The following NMNAT2 variants were observed in gnomAD, a reference collection of about 807,000 sequenced individuals.
NMNAT2 encodes the protein nicotinamide/nicotinic acid mononucleotide adenylyltransferase 2.
In NMNAT2, 11 loss-of-function variants were observed where a neutral mutation model predicts 41.6. That is an observed-to-expected ratio of 0.26 (90% CI 0.17 to 0.44). The LOEUF (loss-of-function observed/expected upper bound fraction) is 0.44. Among genes scored for constraint, NMNAT2 ranks in the 20% least tolerant of loss-of-function variants. The pLI, the probability that NMNAT2 is intolerant of heterozygous loss-of-function variation, is 1.00. For synonymous variants in NMNAT2, 148 were observed against 151.2 expected, an observed-to-expected ratio of 0.98 and a Z score of 0.16; for missense variants, 288 against 407.7, an observed-to-expected ratio of 0.71 and a Z score of 2.53.
At chr1:183,330,638 C>A (rs894242286) in intron 1 of NMNAT2, among the ~76,000 whole-genome samples, 1 of 152,224 alleles carries the variant, frequency 6.6e-6, no homozygotes, top group Non-Finnish European at 1.5e-5. Context: ...GGGCTATGCA[C>A]GCCTCAGAAA....
At chr1:183,416,910 G>A (rs1274250470) in intron 1 of NMNAT2, among the ~76,000 whole-genome samples, 2 of 152,120 alleles carry the variant, frequency 1.3e-5, no homozygotes, top group African/African-American at 4.8e-5. Flanking sequence ...CCCGCATCCA[G>A]CTCCGGCGCG....
intron 1 of NMNAT2, among the ~76,000 whole-genome samples, chr1:183,373,200 G>A (rs1021694596): frequency 1.3e-5 from 2 of 152,244 alleles, no homozygotes; most frequent in Admixed American, 6.5e-5. Context: ...TGCTCTTCAA[G>A]TTGTCATTTC....
intron 10 of NMNAT2, 40 bp downstream of exon 10, chr1:183,260,962 C>T (rs1362196347): frequency 3.4e-6 from 5 of 1,487,198 alleles, no homozygotes; most frequent in Non-Finnish European, 4.7e-6. Context: ...ACTTATAAGA[C>T]AGTTTGACTA....
chr1:183,331,859 C>A (rs546677786), intron 1 of NMNAT2, among the ~76,000 whole-genome samples: 1 of 152,222 alleles, frequency 6.6e-6, no homozygotes, highest in Admixed American at 6.5e-5. Context: ...GCAATCTGGG[C>A]TCACTACAAC....
chr1:183,350,333 C>T lies in NMNAT2; in HGVS notation c.86-56540G>A, dbSNP rs570318194. ...GAGATGGGGAACTGTCCTGGTCAAC[C>T]CCTGTTAATTTGGGAGGAAAATTTG... On this transcript the variant is annotated intron_variant, in intron 1 of 10. Transcript: ENST00000287713. 3.9e-5 allele frequency among the ~76,000 whole-genome samples: 6 copies of T among 152,202 alleles called. No homozygotes were observed. The East Asian group carries it at 9.6e-4, about 24-fold the overall frequency.
chr1:183,323,552 T>C (rs1265180496), intron 1 of NMNAT2, among the ~76,000 whole-genome samples: 1 of 152,154 alleles, frequency 6.6e-6, no homozygotes, highest in Non-Finnish European at 1.5e-5. Context: ...TCATTACCAT[T>C]GCATGGGATC....
chr1:183,292,533 T>C (rs534178508), intron 3 of NMNAT2, among the ~76,000 whole-genome samples: 3 of 152,372 alleles, frequency 2.0e-5, no homozygotes, highest in Admixed American at 2.0e-4. Flanking sequence ...CCAAGAATCA[T>C]GCCAGGATTC....
intron 1 of NMNAT2, among the ~76,000 whole-genome samples, chr1:183,353,834 T>C (rs1307318188): frequency 6.6e-6 from 1 of 152,086 alleles, no homozygotes; most frequent in Non-Finnish European, 1.5e-5. Flanking sequence ...TGTCCCTGAT[T>C]GTGGCTCATG....
intron 1 of NMNAT2, among the ~76,000 whole-genome samples, chr1:183,375,792 A>G (rs1317547203): frequency 9.2e-6 from 1 of 108,774 alleles, no homozygotes; most frequent in Non-Finnish European, 2.2e-5. Context: ...AGCCTCTCAG[A>G]GTACTTATGA....
intron 1 of NMNAT2, among the ~76,000 whole-genome samples, chr1:183,372,616 G>C (rs1460389482): frequency 6.6e-6 from 1 of 152,206 alleles, no homozygotes; most frequent in African/African-American, 2.4e-5. Context: ...AAAATTGCTT[G>C]GTTCCTTGAC....
chr1:183,399,732 T>A (rs1361463631), intron 1 of NMNAT2, among the ~76,000 whole-genome samples: 1 of 152,220 alleles, frequency 6.6e-6, no homozygotes, highest in African/African-American at 2.4e-5. Context: ...GTTGGCTTCA[T>A]CCCTGGGATG....
At chr1:183,374,416 G>A (rs1663628891) in intron 1 of NMNAT2, among the ~76,000 whole-genome samples, 1 of 152,146 alleles carries the variant, frequency 6.6e-6, no homozygotes, top group Non-Finnish European at 1.5e-5. Flanking sequence ...CCCACTTATG[G>A]GGGATCATCT....
intron 1 of NMNAT2, among the ~76,000 whole-genome samples, chr1:183,408,222 T>C (rs1414610831): frequency 1.3e-5 from 2 of 152,210 alleles, no homozygotes. Flanking sequence ...AATGTTCAGA[T>C]AGTAAATAAT....
At chr1:183,361,848 G>T (rs1182247443) in intron 1 of NMNAT2, among the ~76,000 whole-genome samples, 2 of 152,194 alleles carry the variant, frequency 1.3e-5, no homozygotes, top group South Asian at 2.1e-4. Context: ...GGTGGCATGT[G>T]CTCAGTGCCC....
chr1:183,301,276 C>T (rs754011105), intron 1 of NMNAT2, among the ~76,000 whole-genome samples: 43 of 152,272 alleles, frequency 2.8e-4, no homozygotes, highest in Middle Eastern at 3.4e-3. Context: ...AAACAGCAAG[C>T]GACTAAAGAC....
intron 1 of NMNAT2, among the ~76,000 whole-genome samples, chr1:183,313,467 G>C (rs1662173083): frequency 6.6e-6 from 1 of 152,190 alleles, no homozygotes; most frequent in Non-Finnish European, 1.5e-5. Flanking sequence ...TAGATGTTTA[G>C]AGATTTTCAC....
intron 1 of NMNAT2, among the ~76,000 whole-genome samples, chr1:183,406,228 G>T (rs1648950815): frequency 6.6e-6 from 1 of 152,190 alleles, no homozygotes; most frequent in Admixed American, 6.5e-5. Flanking sequence ...TATGTTTAAA[G>T]GGGATAAGGC....
intron 1 of NMNAT2, among the ~76,000 whole-genome samples, chr1:183,413,493 G>A (rs1485686440): frequency 6.6e-6 from 1 of 151,968 alleles, no homozygotes; most frequent in Non-Finnish European, 1.5e-5. Context: ...ACAGGCTGGG[G>A]TACTTGGAAA....
chr1:183,334,258 G>A (rs887989257), intron 1 of NMNAT2, among the ~76,000 whole-genome samples: 26 of 152,062 alleles, frequency 1.7e-4, no homozygotes, highest in Non-Finnish European at 2.9e-4. Flanking sequence ...GTAGACACAG[G>A]GTTTCACCAT....
Sources: gnomAD v4.1 joint callset for allele counts (sites outside exome capture counted in the v4.1 genomes callset) on GRCh38, gnomAD v4.1.1 for gene constraint, MANE v1.5 for transcripts, NCBI Gene and HGNC (gene_info 2026-07-23, HGNC 2026-07-21) for gene names.